MTHFSD: variants seen among roughly 807,000 people sequenced by gnomAD.
The protein encoded by MTHFSD is methenyltetrahydrofolate synthase domain-containing protein.
Under a neutral mutation model 31.1 loss-of-function variants are expected in MTHFSD, and 37 were observed. The ratio of observed to expected loss-of-function variants is 1.19; its 90% confidence interval spans 0.91 to 1.56. MTHFSD has a LOEUF of 1.56. Ranked by LOEUF, MTHFSD falls within the 40% of genes most tolerant of loss-of-function variation. The pLI is 0.00. For missense variants in MTHFSD, 664 were observed against 510.1 expected, an observed-to-expected ratio of 1.30 and a Z score of -2.91; for synonymous variants, 221 against 206.9, an observed-to-expected ratio of 1.07 and a Z score of -0.59.
intron 7 of MTHFSD, among the ~76,000 whole-genome samples, chr16:86,534,157 T>C (rs1241748245): frequency 1.3e-5 from 2 of 152,274 alleles, no homozygotes; most frequent in African/African-American, 2.4e-5. Context: ...CTCATGTCTA[T>C]GCCATGAACA....
chr16:86,555,118 G>A, intron 1 of MTHFSD, 51 bp downstream of exon 1: 1 of 1,529,158 alleles, frequency 6.5e-7, no homozygotes. Context: ...CACCGGTCCC[G>A]GCTGTCCCTC....
intron 2 of MTHFSD, chr16:86,552,371 A>T (rs1973294089): frequency 8.0e-7 from 1 of 1,252,668 alleles, no homozygotes; most frequent in Non-Finnish European, 1.1e-6. Context: ...CTCGGCCCAG[A>T]ATCTCACCCA....
At position 86,537,452 on chromosome 16, in the gene MTHFSD, T is replaced by A. The variant is rs374579890; in HGVS notation, c.681+4245A>T. Reference sequence around the variant, plus strand: ...GGCACTGCATGTCTTCTATAGAGATTCAGATAAGTCCTTATCTGAATTTCT... The same window carrying A: ...GGCACTGCATGTCTTCTATAGAGATACAGATAAGTCCTTATCTGAATTTCT... On this transcript the variant is annotated intron_variant, in intron 7 of 7. Transcript: ENST00000360900. Among the ~76,000 whole-genome samples the A allele has an allele frequency of 5.3e-5, 8 of 152,268 alleles. No individual in the cohort carries two copies. The East Asian group carries it at 1.4e-3, about 26-fold the overall frequency.
rs200273062 is a variant in MTHFSD at position 86,554,712 on chromosome 16, C to T, written c.56G>A (p.Gly19Asp). The T allele has an allele frequency of 4.2e-3, 6,731 of 1,614,102 alleles. 16 individuals are homozygous for T. Among genetic ancestry groups the T allele is most frequent in the Non-Finnish European group, 4.3e-3 (5,129 of 1,179,958 alleles). Residue 19 changes from glycine (G) to aspartate (D), a missense_variant, in exon 2 of 8, where the codon GGC (glycine) becomes GAC (aspartate). By Grantham distance (94) the Gly-to-Asp change is moderately conservative. Transcript: ENST00000360900. ...AGCTAAATTTTGTGATTCCATGTAG[C>T]CCCAAATTTGTTCACGTATGTCCTG... ...SKQDIREQIW[G>D]YMESQNLADF... is the part of the protein sequence containing the mutation.
intron 2 of MTHFSD, chr16:86,552,355 A>G (rs1973289956): frequency 1.4e-6 from 2 of 1,418,120 alleles, no homozygotes. Flanking sequence ...ACTGCAGCCC[A>G]AGCAGCTCGG....
chr16:86,541,998 C>A, intron 6 of MTHFSD, 103 bp downstream of exon 6: 1 of 1,338,270 alleles, frequency 7.5e-7, no homozygotes, highest in South Asian at 1.3e-5. Flanking sequence ...CCACACCACT[C>A]GCCACACAGC....
At chr16:86,541,530 G>A in intron 7 of MTHFSD, 167 bp downstream of exon 7, 1 of 905,010 alleles carries the variant, frequency 1.1e-6, no homozygotes, top group Non-Finnish European at 1.6e-6. Flanking sequence ...TCTTAGGCCT[G>A]GGCCTGGACA....
At chr16:86,540,911 G>A (rs750928907) in intron 7 of MTHFSD, 172 of 1,134,298 alleles carry the variant, frequency 1.5e-4, no homozygotes, top group Non-Finnish European at 1.8e-4. Flanking sequence ...GAAAGTCCCG[G>A]CTGGGCTGTG....
In MTHFSD at chr16:86,550,599, G is replaced by A. The variant is rs77406162; in HGVS notation, c.237+1434C>T. On this transcript the variant is annotated intron_variant, in intron 3 of 7. Coordinates refer to ENST00000360900, the MANE Select transcript of MTHFSD (RefSeq NM_001159377.2). ...CTCTGGTTTCAAGTGTCACAGAGGAGCAGAGATGGCTCCCATAGTAGTAGA... is the reference window on the plus strand; with the variant it reads ...CTCTGGTTTCAAGTGTCACAGAGGAACAGAGATGGCTCCCATAGTAGTAGA... Among the ~76,000 whole-genome samples, 419 of 152,334 alleles carry A rather than the reference G, an allele frequency of 2.8e-3. 1 individual carries two copies. Among genetic ancestry groups the A allele is most frequent in the African/African-American group, 9.4e-3 (389 of 41,564 alleles).
rs754543992 is a variant in MTHFSD at position 86,548,448 on chromosome 16, TG to T, written c.351+15del. 1 of 1,599,486 alleles carries T rather than the reference TG, an allele frequency of 6.3e-7. No homozygotes were observed. Among genetic ancestry groups the T allele is most frequent in the Non-Finnish European group, 8.6e-7 (1 of 1,167,270 alleles). ...ACAGTTCTTTCCTAGGTGGGGACATTGCTTCTGGTACTTACCTGAGAGGTGG... is the reference window on the plus strand; with the variant it reads ...ACAGTTCTTTCCTAGGTGGGGACATTCTTCTGGTACTTACCTGAGAGGTGG... On this transcript the variant is annotated intron_variant, in intron 4 of 7. Transcript: ENST00000360900.
At chr16:86,540,423 G>C (rs1309429828) in intron 7 of MTHFSD, among the ~76,000 whole-genome samples, 1 of 152,138 alleles carries the variant, frequency 6.6e-6, no homozygotes, top group African/African-American at 2.4e-5. Flanking sequence ...TTCATTTGTT[G>C]CTACTTTTCT....
At position 86,552,137 on chromosome 16, in the gene MTHFSD, G is replaced by C. The variant is rs34005514; in HGVS notation, c.133C>G (p.Leu45Val). 0.041 allele frequency: 65,410 copies of C among 1,614,188 alleles called. 1,609 individuals are homozygous for C. Among genetic ancestry groups the C allele is most frequent in the Middle Eastern group, 0.065 (391 of 6,062 alleles). ...HRIPNFKGSY[L>V]ACQNIKDLDV... ...AGGTCTTTGATGTTTTGGCAAGCCA[G>C]ATAAGACCCCTAGTTAGGCAAATAG... The change falls in exon 3 of 8, where the codon CTG becomes GTG. Residue 45 changes from leucine (L) to valine (V), a missense_variant. Transcript: ENST00000360900.
chr16:86,552,194 G>A, intron 2 of MTHFSD, 48 bp from the exon 3 acceptor site: 1 of 1,614,048 alleles, frequency 6.2e-7, no homozygotes, highest in Non-Finnish European at 8.5e-7. Context: ...GGACGAAGAA[G>A]CGAGCACTTT....
At chr16:86,552,379 C>T (rs577728981) in intron 2 of MTHFSD, 2 of 1,154,308 alleles carry the variant, frequency 1.7e-6, no homozygotes, top group Non-Finnish European at 2.4e-6. Flanking sequence ...AGAATCTCAC[C>T]CAGACAGGCA....
chr16:86,541,153 C>G, intron 7 of MTHFSD: 3 of 1,288,694 alleles, frequency 2.3e-6, no homozygotes, highest in African/African-American at 1.5e-5. Flanking sequence ...TTTGCAGGGT[C>G]AAACTCCTAC....
rs1419599158 is a variant in MTHFSD at position 86,540,885 on chromosome 16, C to G, written c.681+812G>C. ...CCTGGGAGTCCCCAGCAGTGCCTGC[C>G]CAGGACACCTGCAGGGAAAGTCCCG... is the stretch of plus-strand genomic sequence containing the variant. On this transcript the variant is annotated intron_variant, in intron 7 of 7. Coordinates refer to ENST00000360900, the MANE Select transcript of MTHFSD (RefSeq NM_001159377.2). The G allele has an allele frequency of 1.1e-5, 12 of 1,118,176 alleles. No homozygotes were observed. The South Asian group carries it at 2.4e-4, about 22-fold the overall frequency. The allele number at this position is 1,118,176 out of a possible 1,614,324, so 69.3% of individuals were successfully genotyped here. A position where few individuals can be genotyped will look rare whatever the true frequency, so the allele number is the denominator to read the frequency against.
In MTHFSD at chr16:86,542,822, T is replaced by C. The variant is rs1161880750; in HGVS notation, c.443-609A>G. Among the ~76,000 whole-genome samples, 1 of 152,202 alleles carries C rather than the reference T, an allele frequency of 6.6e-6. No individual in the cohort carries two copies. The highest frequency in any genetic ancestry group is 2.4e-5 in the African/African-American group (1 of 41,458). ...AAGATGAAATCGAGGTTTAACAGCC[T>C]CTCTAGCCAAATCAGCTATTCAGAG... On this transcript the variant is annotated intron_variant, in intron 5 of 7. Transcript: ENST00000360900. The surrounding 1 kb of genome is among the most constrained non-coding windows in gnomAD (Gnocchi z 4.6).
In MTHFSD at chr16:86,550,600, C is replaced by G. The variant is rs550195914; in HGVS notation, c.237+1433G>C. 5.9e-5 allele frequency among the ~76,000 whole-genome samples: 9 copies of G among 152,304 alleles called. No individual in the cohort carries two copies. In the South Asian group the frequency reaches 1.9e-3, roughly 32 times the overall value. On this transcript the variant is annotated intron_variant, in intron 3 of 7. Coordinates refer to ENST00000360900, the MANE Select transcript of MTHFSD (RefSeq NM_001159377.2). ...TCTGGTTTCAAGTGTCACAGAGGAG[C>G]AGAGATGGCTCCCATAGTAGTAGAG...
Position 86,542,254 on chromosome 16 carries a change from G to T in MTHFSD, c.443-41C>A. 1 of 1,535,868 alleles carries T rather than the reference G, an allele frequency of 6.5e-7. No homozygotes were observed. The highest frequency in any genetic ancestry group is 9.0e-7 in the Non-Finnish European group (1 of 1,117,116). The stretch of plus-strand genomic sequence containing the variant: ...GAATCAGTATCGCTGTGCGGTCCGG[G>T]GCATCGCTGAGAAGTGGATTTTCCA... On this transcript the variant is annotated intron_variant, in intron 5 of 7. Transcript: ENST00000360900. The surrounding 1 kb of genome is among the most constrained non-coding windows in gnomAD (Gnocchi z 4.6).
Sources: gnomAD v4.1 joint callset for allele counts (sites outside exome capture counted in the v4.1 genomes callset) on GRCh38, gnomAD v4.1.1 for gene constraint, Gnocchi (gnomAD v3.1) non-coding constraint, MANE v1.5 for transcripts, NCBI Gene and HGNC (gene_info 2026-07-23, HGNC 2026-07-21) for gene names.